PPM1H: variants seen among roughly 807,000 people sequenced by gnomAD.
PPM1H encodes protein phosphatase, Mg2+/Mn2+ dependent 1H, also known as protein phosphatase 1H.
PPM1H carries 27 observed loss-of-function variants against 54.9 expected under a neutral mutation model. The observed-to-expected ratio is 0.49, with a 90% CI of 0.36 to 0.68. The LOEUF is 0.68. PPM1H is among the 30% of genes least tolerant of loss of function. PPM1H has a pLI of 0.00. For missense variants in PPM1H, 596 were observed against 667.8 expected (o/e 0.89, Z 1.19); for synonymous variants, 305 against 270.8 (o/e 1.13, Z -1.24).
chr12:62,691,228 G>A (rs1426069574), intron 7 of PPM1H, among the ~76,000 whole-genome samples: 1 of 152,178 alleles, frequency 6.6e-6, no homozygotes, highest in African/African-American at 2.4e-5. Context: ...GTGGAAGAAA[G>A]CAGTGTCCTA....
intron 4 of PPM1H, among the ~76,000 whole-genome samples, chr12:62,768,479 C>T (rs868639842): frequency 6.6e-6 from 1 of 152,056 alleles, no homozygotes; most frequent in African/African-American, 2.4e-5. Context: ...CATAGTGAAA[C>T]CCTGTCTCTA....
chr12:62,789,291 C>A (rs1036532331), intron 3 of PPM1H, among the ~76,000 whole-genome samples: 2 of 152,178 alleles, frequency 1.3e-5, no homozygotes, highest in African/African-American at 4.8e-5. Flanking sequence ...GGCCACCATA[C>A]CCAGCCCAGA....
chr12:62,654,297 T>C (rs1455686283), intron 9 of PPM1H, among the ~76,000 whole-genome samples: 2 of 138,492 alleles, frequency 1.4e-5, no homozygotes, highest in Non-Finnish European at 3.1e-5. Context: ...GATAGGCGAG[T>C]GGGCACACGC....
chr12:62,646,075 A>T lies in PPM1H; in HGVS notation c.*2414T>A, dbSNP rs1042318090. ...TACTTTTGATTTCTTCATCTTATTT[A>T]TAGTCTTCCTCCCATCCCCTGAACA... On this transcript the variant is annotated 3_prime_UTR_variant, in exon 10 of 10. Coordinates refer to ENST00000228705, the MANE Select transcript of PPM1H (RefSeq NM_020700.2). The T allele has an allele frequency of 1.3e-5, 2 of 152,210 alleles. No homozygotes were observed. The highest frequency in any genetic ancestry group is 4.8e-5 in the African/African-American group (2 of 41,444). 9.4% of individuals were successfully genotyped at this position (152,210 alleles called of 1,614,324 possible).
intron 1 of PPM1H, among the ~76,000 whole-genome samples, chr12:62,896,343 C>A (rs557836404): frequency 3.3e-5 from 5 of 152,302 alleles, no homozygotes; most frequent in African/African-American, 1.2e-4. Context: ...TTTTTGCAAT[C>A]TACCCATCTG....
At chr12:62,742,413 T>C (rs2076387135) in intron 4 of PPM1H, among the ~76,000 whole-genome samples, 1 of 152,200 alleles carries the variant, frequency 6.6e-6, no homozygotes, top group Non-Finnish European at 1.5e-5. Context: ...TTCATCACTC[T>C]GATCTTGGGA....
intron 8 of PPM1H, among the ~76,000 whole-genome samples, chr12:62,670,696 C>T (rs939128356): frequency 6.6e-6 from 1 of 152,104 alleles, no homozygotes; most frequent in South Asian, 2.1e-4. Flanking sequence ...CTAATTCTAC[C>T]GTTCCCATTT....
intron 1 of PPM1H, among the ~76,000 whole-genome samples, chr12:62,891,687 C>T (rs1370061529): frequency 6.6e-6 from 1 of 152,178 alleles, no homozygotes; most frequent in East Asian, 1.9e-4. Context: ...TTTAGAATAA[C>T]TAAGACTCAT....
In PPM1H at chr12:62,713,977, C is replaced by CA. The variant is rs148593400; in HGVS notation, c.1073+6193dup. Among the ~76,000 whole-genome samples, 1,188 of 150,768 alleles carry CA rather than the reference C, an allele frequency of 7.9e-3. 15 individuals are homozygous for CA. Among genetic ancestry groups the CA allele is most frequent in the African/African-American group, 0.027 (1,096 of 41,158 alleles). The stretch of plus-strand genomic sequence containing the variant: ...AGTGAGACCCTGTCTTTAAAAAAAA[C>CA]AAAAAAAACAAACCAAAACAAAAAA... On this transcript the variant is annotated intron_variant, in intron 6 of 9. Coordinates refer to ENST00000228705, the MANE Select transcript of PPM1H (RefSeq NM_020700.2).
At chr12:62,909,332 A>C (rs1238589993) in intron 1 of PPM1H, among the ~76,000 whole-genome samples, 1 of 152,154 alleles carries the variant, frequency 6.6e-6, no homozygotes, top group African/African-American at 2.4e-5. Context: ...GTTCTAAAAC[A>C]ATTTCCCATG....
chr12:62,865,941 G>A (rs973002210), intron 1 of PPM1H, among the ~76,000 whole-genome samples: 2 of 152,156 alleles, frequency 1.3e-5, no homozygotes, highest in Non-Finnish European at 2.9e-5. Context: ...TAGCCACAGC[G>A]ACTATTGGGT....
chr12:62,889,285 G>A (rs897752135), intron 1 of PPM1H, among the ~76,000 whole-genome samples: 2 of 151,996 alleles, frequency 1.3e-5, no homozygotes, highest in African/African-American at 4.8e-5. Flanking sequence ...AGTTTAAATG[G>A]GAAGGCAAAA....
chr12:62,784,779 T>C (rs2076660928), intron 4 of PPM1H, among the ~76,000 whole-genome samples: 1 of 152,258 alleles, frequency 6.6e-6, no homozygotes, highest in South Asian at 2.1e-4. Context: ...ATTATTAGTA[T>C]GGCAAACTAG....
intron 1 of PPM1H, among the ~76,000 whole-genome samples, chr12:62,878,650 A>G (rs112337768): frequency 6.7e-6 from 1 of 148,994 alleles, no homozygotes; most frequent in Non-Finnish European, 1.5e-5. Context: ...AAAAAAAAAA[A>G]AAAAAGAGGC....
rs201286163 is a variant in PPM1H at position 62,689,734 on chromosome 12, T to A, written c.1210A>T (p.Ile404Phe). The A allele has an allele frequency of 1.9e-6, 3 of 1,613,732 alleles. No homozygotes were observed. The highest frequency in any genetic ancestry group is 2.5e-6 in the Non-Finnish European group (3 of 1,179,822). The change falls in exon 8 of 10, where the codon ATC becomes TTC. Residue 404 changes from isoleucine to phenylalanine, a missense_variant. Around this residue, in one of 3 missense-constraint regions of PPM1H, gnomAD observed 208 missense variants for 259.5 expected, o/e 0.80. Coordinates refer to ENST00000228705, the MANE Select transcript of PPM1H (RefSeq NM_020700.2). ...GAAGACAGGAATGGTTTAATGTAGA[T>A]GTTGGAGTCATGCACCTTCAGGTCA... ...DHDLKVHDSN[I>F]YIKPFLSSAP...
intron 1 of PPM1H, among the ~76,000 whole-genome samples, chr12:62,927,579 T>C (rs936592720): frequency 6.6e-6 from 1 of 151,442 alleles, no homozygotes; most frequent in Non-Finnish European, 1.5e-5. Context: ...GGAGAATCAC[T>C]TGAACCCAGG....
rs1565742925 is a variant in PPM1H at position 62,646,927 on chromosome 12, AGCTCTCTAGCAT to A, written c.*1550_*1561del. The A allele has an allele frequency of 6.6e-6, 1 of 152,242 alleles. No individual in the cohort carries two copies. The highest frequency in any genetic ancestry group is 1.9e-4 in the East Asian group (1 of 5,198). 9.4% of individuals were successfully genotyped at this position (152,242 alleles called of 1,614,324 possible). A position where few individuals can be genotyped will look rare whatever the true frequency, so the allele number is the denominator to read the frequency against. ...TCAAACAAATATGAGAACTGGAATT[AGCTCTCTAGCAT>A]GCTGGGGGGGTCACGTCAGTGACCT... On this transcript the variant is annotated 3_prime_UTR_variant, in exon 10 of 10. Coordinates refer to ENST00000228705, the MANE Select transcript of PPM1H (RefSeq NM_020700.2).
chr12:62,784,661 C>T (rs1193519033), intron 4 of PPM1H, among the ~76,000 whole-genome samples: 1 of 152,198 alleles, frequency 6.6e-6, no homozygotes, highest in Non-Finnish European at 1.5e-5. Flanking sequence ...TTCCTGACTG[C>T]TCGTCAATCA....
intron 6 of PPM1H, among the ~76,000 whole-genome samples, chr12:62,717,681 C>T (rs1026121750): frequency 1.3e-5 from 2 of 151,564 alleles, no homozygotes; most frequent in African/African-American, 4.9e-5. Context: ...AAAACAAAAA[C>T]AAACAAAACA....
Sources: gnomAD v4.1 joint callset for allele counts (sites outside exome capture counted in the v4.1 genomes callset) on GRCh38, gnomAD v4.1.1 for gene constraint, gnomAD v4.1.1 regional missense constraint, MANE v1.5 for transcripts, NCBI Gene and HGNC (gene_info 2026-07-23, HGNC 2026-07-21) for gene names.